The following WDFY4 variants were observed in gnomAD, a reference collection of about 807,000 sequenced individuals.
The protein encoded by WDFY4 is WDFY family member 4.
WDFY4 carries 169 observed loss-of-function variants against 351.9 expected under a neutral mutation model. That is an observed-to-expected ratio of 0.48 (90% CI 0.42 to 0.55). The LOEUF (loss-of-function observed/expected upper bound fraction) is 0.55. Ranked by LOEUF, WDFY4 falls within the 20% of genes least tolerant of loss-of-function variation. WDFY4 has a pLI of 0.00. For synonymous variants in WDFY4, 1,622 were observed against 1,574.6 expected, an observed-to-expected ratio of 1.03 and a Z score of -0.71; for missense variants, 3,803 against 3,935.6, an observed-to-expected ratio of 0.97 and a Z score of 0.90.
At chr10:48,949,178 G>A (rs1164625967) in intron 51 of WDFY4, among the ~76,000 whole-genome samples, 9 of 152,136 alleles carry the variant, frequency 5.9e-5, no homozygotes, top group African/African-American at 1.9e-4. Flanking sequence ...ATCTGTCTTG[G>A]GTAGATTGAC....
intron 47 of WDFY4, among the ~76,000 whole-genome samples, chr10:48,919,744 G>A (rs1838881295): frequency 6.6e-6 from 1 of 152,128 alleles, no homozygotes; most frequent in African/African-American, 2.4e-5. Context: ...ATTTCCTCAT[G>A]ATCTAAATGC....
At chr10:48,703,459 T>C (rs901742768) in intron 1 of WDFY4, among the ~76,000 whole-genome samples, 5 of 152,228 alleles carry the variant, frequency 3.3e-5, no homozygotes, top group African/African-American at 7.2e-5. Flanking sequence ...ATGAGAATAG[T>C]TGCAGAGGCT....
chr10:48,824,100 C>A, intron 35 of WDFY4: 1 of 985,424 alleles, frequency 1.0e-6, no homozygotes, highest in Non-Finnish European at 1.2e-6. Flanking sequence ...GCTAAGGCTA[C>A]AAATCAGGGT....
chr10:48,849,459 T>TA, intron 39 of WDFY4, among the ~76,000 whole-genome samples: 1 of 152,310 alleles, frequency 6.6e-6, no homozygotes, highest in Non-Finnish European at 1.5e-5. Context: ...AGACAAGACT[T>TA]ACCCCCAAAA....
rs754673075 is a variant in WDFY4 at position 48,807,871 on chromosome 10, C to T, written c.4751C>T (p.Thr1584Ile). 9.7e-6 allele frequency: 15 copies of T among 1,551,470 alleles called. 1 individual carries two copies. The South Asian group carries it at 1.7e-4, about 17-fold the overall frequency. ...LDPSLPAGSQ[T>I]SGKTIWLRNQ... ...TTCTTTTTTGTAGCTGGAAGCCAAA[C>T]ATCTGGAAAGACAATCTGGCTCAGA... Residue 1584 changes from threonine to isoleucine, a missense_variant, in exon 28 of 62, where the codon ACA becomes ATA. Thr to Ile is a moderately conservative substitution (Grantham distance 89). Around this residue, in one of 3 missense-constraint regions of WDFY4, gnomAD observed 3,054 missense variants for 3,148.6 expected, o/e 0.97. Coordinates refer to ENST00000325239, the MANE Select transcript of WDFY4 (RefSeq NM_001394531.1).
intron 9 of WDFY4, among the ~76,000 whole-genome samples, chr10:48,731,863 A>C (rs2064471510): frequency 6.6e-6 from 1 of 152,204 alleles, no homozygotes; most frequent in South Asian, 2.1e-4. Context: ...GGGGTCTGAC[A>C]GCTCCTCAGG....
At chr10:48,839,093 C>G (rs1321109114) in intron 39 of WDFY4, among the ~76,000 whole-genome samples, 2 of 152,198 alleles carry the variant, frequency 1.3e-5, no homozygotes, top group Non-Finnish European at 2.9e-5. Flanking sequence ...GCACTCCAGG[C>G]ACAGGCCTCA....
rs529345446 is a variant in WDFY4, at chr10:48,768,505, C to T, written c.2554-5953C>T. Among the ~76,000 whole-genome samples the T allele has an allele frequency of 3.9e-5, 6 of 152,324 alleles. No homozygotes were observed. The East Asian group carries it at 1.2e-3, about 29-fold the overall frequency. On this transcript the variant is annotated intron_variant, in intron 13 of 61. Transcript: ENST00000325239. ...GCCCATTTTCCTCACCTGCCTAGCT[C>T]TCTCTTCATTATCCTTCAACGCTTC...
At chr10:48,910,204 C>A in intron 47 of WDFY4, 1 of 1,313,276 alleles carries the variant, frequency 7.6e-7, no homozygotes, top group Non-Finnish European at 1.1e-6. Flanking sequence ...ATTCTGTTAG[C>A]TGAGTAGTCT....
rs1478366058 is a variant in WDFY4 at position 48,803,362 on chromosome 10, A to G, written c.4484+3A>G. 2.6e-6 allele frequency: 4 copies of G among 1,551,880 alleles called. No individual in the cohort carries two copies. Among genetic ancestry groups the G allele is most frequent in the Non-Finnish European group, 3.5e-6 (4 of 1,147,036 alleles). On this transcript the variant is annotated splice_donor_region_variant and intron_variant, in intron 25 of 61. Transcript: ENST00000325239. ...TTGGAAATCCTTCAATCACCAAGGT[A>G]GGCTGGGTCTTGGCAGCCTGGGGGT...
chr10:48,776,720 A>G, intron 15 of WDFY4, 30 bp from the exon 16 acceptor site: 3 of 1,478,006 alleles, frequency 2.0e-6, no homozygotes, highest in Non-Finnish European at 2.7e-6. Flanking sequence ...TTGAGCAGAG[A>G]CACATCTCTT....
At chr10:48,872,492 A>G (rs541957328) in intron 40 of WDFY4, among the ~76,000 whole-genome samples, 10 of 152,360 alleles carry the variant, frequency 6.6e-5, no homozygotes, top group African/African-American at 2.4e-4. Context: ...AGCCTAACAC[A>G]TGATAATGAG....
intron 2 of WDFY4, among the ~76,000 whole-genome samples, chr10:48,713,390 C>T (rs912640709): frequency 2.6e-5 from 4 of 152,208 alleles, no homozygotes; most frequent in Admixed American, 2.0e-4. Flanking sequence ...TATCTGACTC[C>T]TTCAAACACG....
At chr10:48,945,802 G>A (rs1841013518) in intron 49 of WDFY4, among the ~76,000 whole-genome samples, 1 of 152,164 alleles carries the variant, frequency 6.6e-6, no homozygotes, top group Non-Finnish European at 1.5e-5. Context: ...GGTCAACTTG[G>A]AACAGGTTGA....
intron 47 of WDFY4, among the ~76,000 whole-genome samples, chr10:48,902,810 A>G (rs1445210019): frequency 1.3e-5 from 2 of 152,122 alleles, no homozygotes; most frequent in African/African-American, 2.4e-5. Context: ...CAAGAAAACA[A>G]TCTTTGAATT....
intron 38 of WDFY4, among the ~76,000 whole-genome samples, chr10:48,832,055 T>G (rs2133066268): frequency 6.6e-6 from 1 of 152,306 alleles, no homozygotes; most frequent in East Asian, 1.9e-4. Flanking sequence ...ACTTTTAAAG[T>G]CAAAATGTCA....
chr10:48,958,237 C>T (rs1841698371), intron 52 of WDFY4, among the ~76,000 whole-genome samples: 1 of 152,182 alleles, frequency 6.6e-6, no homozygotes, highest in Non-Finnish European at 1.5e-5. Flanking sequence ...TGAGCCAGGC[C>T]CCGTGAGTCT....
At chr10:48,777,028 T>C (rs1222428973) in intron 16 of WDFY4, 44 bp downstream of exon 16, 1 of 1,518,972 alleles carries the variant, frequency 6.6e-7, no homozygotes, top group Admixed American at 2.1e-5. Context: ...TTATTAATTT[T>C]GCAGTGCCTC....
chr10:48,778,408 C>T (rs1452983537), intron 17 of WDFY4, among the ~76,000 whole-genome samples: 2 of 152,266 alleles, frequency 1.3e-5, no homozygotes, highest in East Asian at 1.9e-4. Flanking sequence ...CAGGAGCCCA[C>T]GTGTGACGGA....
Sources: gnomAD v4.1 joint callset for allele counts (sites outside exome capture counted in the v4.1 genomes callset) on GRCh38, gnomAD v4.1.1 for gene constraint, gnomAD v4.1.1 regional missense constraint, MANE v1.5 for transcripts, NCBI Gene and HGNC (gene_info 2026-07-23, HGNC 2026-07-21) for gene names.